The following KMT2B variants were observed in gnomAD, a reference collection of about 807,000 sequenced individuals.
KMT2B encodes histone-lysine N-methyltransferase 2B.
Under a neutral mutation model 255.3 loss-of-function variants are expected in KMT2B, and 22 were observed. The ratio of observed to expected loss-of-function variants is 0.09; its 90% CI spans 0.06 to 0.12. KMT2B has a LOEUF of 0.12. Among genes scored for constraint, KMT2B ranks in the 10% least tolerant of loss-of-function variants. KMT2B has a pLI of 1.00. For synonymous variants in KMT2B, 1,730 were observed against 1,498.1 expected (o/e 1.15, Z -3.57); for missense variants, 3,149 against 3,737.0 (o/e 0.84, Z 4.10).
Position 35,723,319 on chromosome 19 carries a change from C to G in KMT2B, c.3002+45C>G, listed in dbSNP as rs780140444. ...CCTCATTCCCGTGGTTGTTGGTCCC[C>G]TAGGCTTCCTACCTCACTCCTCTTC... On this transcript the variant is annotated intron_variant, in intron 6 of 36. Transcript: ENST00000420124. The surrounding 1 kb of genome is among the most constrained non-coding windows in gnomAD (Gnocchi z 7.5). The G allele has an allele frequency of 3.8e-6, 6 of 1,589,420 alleles. No homozygotes were observed. The highest frequency in any genetic ancestry group is 2.6e-6 in the Non-Finnish European group (3 of 1,164,626).
rs765902603 is a variant in KMT2B at position 35,725,552 on chromosome 19, A to G, written c.3716A>G (p.Gln1239Arg). ...GAGGAGGCCGAGCGGCCCCTGCCCC[A>G]GCATCACGACACCTGGTGCTGCCGT... Reference protein sequence around the residue: ...CLEEAERPLPQHHDTWCCRRC... With the variant: ...CLEEAERPLPRHHDTWCCRRC... The change falls in exon 12 of 37, where the codon CAG becomes CGG. Residue 1239 changes from glutamine to arginine, a missense_variant. Coordinates refer to ENST00000420124, the MANE Select transcript of KMT2B (RefSeq NM_014727.3). The surrounding 1 kb of genome is among the most constrained non-coding windows in gnomAD (Gnocchi z 4.1). 6 of 1,610,792 alleles carry G rather than the reference A, an allele frequency of 3.7e-6. No individual in the cohort carries two copies. The highest frequency in any genetic ancestry group is 5.1e-6 in the Non-Finnish European group (6 of 1,179,880).
At position 35,723,655 on chromosome 19, in the gene KMT2B, GCTT is replaced by G. The variant is rs1969307870; in HGVS notation, c.3059-73_3059-71del. The G allele has an allele frequency of 2.9e-5, 39 of 1,367,414 alleles. No individual in the cohort carries two copies. The South Asian group carries it at 3.9e-4, about 14-fold the overall frequency. The allele number at this position is 1,367,414 out of a possible 1,614,324, so 84.7% of individuals were successfully genotyped here. A position where few individuals can be genotyped will look rare whatever the true frequency, so the allele number is the denominator to read the frequency against. ...AGCTCCTGCGTTCATTCCCTGCCCC[GCTT>G]CTTTCTGGCTTCTCTCCCAGTGTCC... On this transcript the variant is annotated intron_variant, in intron 7 of 36. Coordinates refer to ENST00000420124, the MANE Select transcript of KMT2B (RefSeq NM_014727.3). The surrounding 1 kb of genome is among the most constrained non-coding windows in gnomAD (Gnocchi z 7.5).
In KMT2B at chr19:35,724,629, C is replaced by T. The variant is rs1969359389; in HGVS notation, c.3335-8C>T. 6.3e-7 allele frequency: 1 copy of T among 1,585,346 alleles called. No homozygotes were observed. Among genetic ancestry groups the T allele is most frequent in the Admixed American group, 1.8e-5 (1 of 56,058 alleles). Reference sequence around the variant, plus strand: ...GAGTGACCTCACTGCTCATTGTGTCCTGCCTAGAGCTGCCACTGCCAGAAC... The same window carrying T: ...GAGTGACCTCACTGCTCATTGTGTCTTGCCTAGAGCTGCCACTGCCAGAAC... On this transcript the variant is annotated splice_polypyrimidine_tract_variant and splice_region_variant and intron_variant, in intron 8 of 36. Coordinates refer to ENST00000420124, the MANE Select transcript of KMT2B (RefSeq NM_014727.3).
At position 35,730,386 on chromosome 19, in the gene KMT2B, T is replaced by C. The variant is rs746691296; in HGVS notation, c.5121T>C (p.Tyr1707=). Residue 1707 remains tyrosine (Y), a synonymous_variant, in exon 24 of 37, where the codon TAT becomes TAC. Coordinates refer to ENST00000420124, the MANE Select transcript of KMT2B (RefSeq NM_014727.3). The stretch of plus-strand genomic sequence containing the variant: ...GTTTTGATGTTCTCCGCCGAGTCTA[T>C]GTGGACTTCGAGGGCATCAACTTCA... ...PDGFDVLRRV[Y]VDFEGINFKR... is the part of the protein sequence containing the mutation. The C allele has an allele frequency of 2.5e-6, 4 of 1,613,760 alleles. No individual in the cohort carries two copies. The highest frequency in any genetic ancestry group is 1.3e-5 in the African/African-American group (1 of 75,046).
Position 35,718,515 on chromosome 19 carries a change from G to C in KMT2B, c.363+134G>C, listed in dbSNP as rs1969049004. 9.3e-7 allele frequency: 1 copy of C among 1,072,668 alleles called. No individual in the cohort carries two copies. Among genetic ancestry groups the C allele is most frequent in the Non-Finnish European group, 1.2e-6 (1 of 851,312 alleles). 66.4% of individuals were successfully genotyped at this position (1,072,668 alleles called of 1,614,324 possible). ...TTCGGAGAGACGGGGCACGGAGGGA[G>C]GGCGGCTGCATGCAGCTTCCGGGGG... On this transcript the variant is annotated intron_variant, in intron 1 of 36. Transcript: ENST00000420124. This position sits in a 1 kb window ranked among gnomAD's most constrained non-coding sequence, Gnocchi z 5.0.
In KMT2B at chr19:35,720,579, C is replaced by G. The variant is rs1780610322; in HGVS notation, c.1232C>G (p.Pro411Arg). The G allele has an allele frequency of 3.9e-6, 6 of 1,533,910 alleles. No homozygotes were observed. In the East Asian group the frequency reaches 1.5e-4, roughly 38 times the overall value. The part of the protein sequence containing the change: ...LPPPPLTPPA[P>R]SPPPPLPPPS... ...CCACCGCCTCTGACTCCTCCAGCCC[C>G]TTCACCTCCTCCACCCCTCCCACCC... The change falls in exon 3 of 37, where the codon CCT (proline) becomes CGT (arginine). Residue 411 changes from proline to arginine, a missense_variant. By Grantham distance (103) the Pro-to-Arg change is moderately radical (BLOSUM62 -2). Transcript: ENST00000420124.
At chr19:35,734,283 G>A (rs2146473771) in intron 30 of KMT2B, among the ~76,000 whole-genome samples, 1 of 152,238 alleles carries the variant, frequency 6.6e-6, no homozygotes, top group South Asian at 2.1e-4. Flanking sequence ...CAGAGGCCCA[G>A]GGAAGGGAGT....
In KMT2B at chr19:35,720,179, ACCC is replaced by A; in HGVS notation, c.835_837del (p.Pro279del). On this transcript the variant is annotated inframe_deletion, in exon 3 of 37. Coordinates refer to ENST00000420124, the MANE Select transcript of KMT2B (RefSeq NM_014727.3). ...GGAGGGGCCCGGTCCAGGACCTGGG[ACCC>A]CCAGGCGTGGAGGACAGTCAAGCCG... 1 of 1,605,162 alleles carries A rather than the reference ACCC, an allele frequency of 6.2e-7. No individual in the cohort carries two copies. The highest frequency in any genetic ancestry group is 8.5e-7 in the Non-Finnish European group (1 of 1,176,358).
chr19:35,738,602 C>A lies in KMT2B; in HGVS notation c.*45C>A. 1 of 1,584,778 alleles carries A rather than the reference C, an allele frequency of 6.3e-7. No homozygotes were observed. The highest frequency in any genetic ancestry group is 1.1e-5 in the South Asian group (1 of 87,020). ...GACCCCTCACACCTCCTGCTGCCGTCGCTGCCATCTTGCCCCTAGCCTGGG... is the reference window on the plus strand; with the variant it reads ...GACCCCTCACACCTCCTGCTGCCGTAGCTGCCATCTTGCCCCTAGCCTGGG... On this transcript the variant is annotated 3_prime_UTR_variant, in exon 37 of 37. Transcript: ENST00000420124. This position sits in a 1 kb window ranked among gnomAD's most constrained non-coding sequence, Gnocchi z 8.7.
Position 35,719,883 on chromosome 19 carries a change from G to A in KMT2B, c.536G>A (p.Arg179Gln), listed in dbSNP as rs771353672. The A allele has an allele frequency of 4.5e-5, 73 of 1,613,190 alleles. No individual in the cohort carries two copies. Among genetic ancestry groups the A allele is most frequent in the Admixed American group, 4.5e-4 (27 of 59,980 alleles). Residue 179 changes from arginine (R) to glutamine (Q), a missense_variant, in exon 3 of 37, where the codon CGG becomes CAG. By Grantham distance (43) the Arg-to-Gln change is conservative. Coordinates refer to ENST00000420124, the MANE Select transcript of KMT2B (RefSeq NM_014727.3). ...VAPTPPKTPARKRGEEGTERM... is the reference protein window; with the variant it reads ...VAPTPPKTPAQKRGEEGTERM... ...CCTACCCCCCCAAAGACCCCTGCCC[G>A]GAAACGGGGTGAGGAAGGCACAGAA...
intron 3 of KMT2B, 110 bp from the exon 4 acceptor site, chr19:35,722,249 C>A (rs534799315): frequency 7.2e-6 from 8 of 1,115,298 alleles, no homozygotes; most frequent in South Asian, 3.2e-5. Context: ...GTGATCTGCC[C>A]GTCTCGGCCT....
chr19:35,723,488 G>T lies in KMT2B; in HGVS notation c.3044G>T (p.Arg1015Leu). 6.4e-7 allele frequency: 1 copy of T among 1,571,170 alleles called. No homozygotes were observed. The highest frequency in any genetic ancestry group is 8.6e-7 in the Non-Finnish European group (1 of 1,159,100). Reference protein sequence around the residue: ...CDKIEARKMERLAKKGRTIVK... With the variant: ...CDKIEARKMELLAKKGRTIVK... Reference sequence around the variant, plus strand: ...AAAATAGAGGCTCGGAAGATGGAACGACTGGCTAAAAAAGGTGACGAGCTT... The same window carrying T: ...AAAATAGAGGCTCGGAAGATGGAACTACTGGCTAAAAAAGGTGACGAGCTT... Residue 1015 changes from arginine (R) to leucine (L), a missense_variant, in exon 7 of 37, where the codon CGA becomes CTA. Transcript: ENST00000420124. The surrounding 1 kb of genome is among the most constrained non-coding windows in gnomAD (Gnocchi z 7.5).
intron 19 of KMT2B, 62 bp from the exon 20 acceptor site, chr19:35,728,712 G>T: frequency 7.6e-7 from 1 of 1,309,570 alleles, no homozygotes; most frequent in Non-Finnish European, 1.1e-6. Flanking sequence ...CTGGTTTGTG[G>T]ATGGGCCCCC....
intron 20 of KMT2B, 23 bp from the exon 21 acceptor site, chr19:35,728,962 C>G (rs766902450): frequency 6.2e-7 from 1 of 1,613,468 alleles, no homozygotes; most frequent in South Asian, 1.1e-5. Flanking sequence ...ATTCTTAGAC[C>G]TCCCTTCACA....
Position 35,721,280 on chromosome 19 carries a change from C to A in KMT2B, c.1933C>A (p.Leu645Ile), listed in dbSNP as rs553757574. 1.3e-6 allele frequency: 2 copies of A among 1,543,316 alleles called. No individual in the cohort carries two copies. The highest frequency in any genetic ancestry group is 4.9e-5 in the East Asian group (2 of 40,702). The stretch of plus-strand genomic sequence containing the variant: ...TCCTGCCACCTCCTCCCGGAGGCCC[C>A]TACTCCTTCGGGCCCCTCAGTTTAC... ...PAPATSSRRP[L>I]LLRAPQFTPS... The change falls in exon 3 of 37, where the codon CTA (leucine) becomes ATA (isoleucine). Residue 645 changes from leucine (L) to isoleucine (I), a missense_variant. By Grantham distance (5) the Leu-to-Ile change is conservative. Coordinates refer to ENST00000420124, the MANE Select transcript of KMT2B (RefSeq NM_014727.3).
In KMT2B at chr19:35,730,709, G is replaced by C; in HGVS notation, c.5279G>C (p.Cys1760Ser). 1 of 1,613,942 alleles carries C rather than the reference G, an allele frequency of 6.2e-7. No homozygotes were observed. Among genetic ancestry groups the C allele is most frequent in the Non-Finnish European group, 8.5e-7 (1 of 1,179,888 alleles). Residue 1760 changes from cysteine (C) to serine (S), a missense_variant and splice_region_variant, in exon 26 of 37, where the codon TGC becomes TCC. By Grantham distance (112) the Cys-to-Ser change is moderately radical. Coordinates refer to ENST00000420124, the MANE Select transcript of KMT2B (RefSeq NM_014727.3). The stretch of plus-strand genomic sequence containing the variant: ...AACCGTCTTATCCCACATGCCAGGT[G>C]CTCCCGTCTGTACTGGAGCACAGTG... ...EGRLFPIGYQ[C>S]SRLYWSTVDA...
Position 35,738,753 on chromosome 19 carries a change from C to T in KMT2B, c.*196C>T. 4.9e-6 allele frequency: 3 copies of T among 617,490 alleles called. No homozygotes were observed. Among genetic ancestry groups the T allele is most frequent in the Non-Finnish European group, 2.8e-6 (1 of 355,146 alleles). 38.3% of individuals were successfully genotyped at this position (617,490 alleles called of 1,614,324 possible). A position where few individuals can be genotyped will look rare whatever the true frequency, so the allele number is the denominator to read the frequency against. On this transcript the variant is annotated 3_prime_UTR_variant, in exon 37 of 37. Transcript: ENST00000420124. This position sits in a 1 kb window ranked among gnomAD's most constrained non-coding sequence, Gnocchi z 8.7. Reference sequence around the variant, plus strand: ...ATCCAGCAATCGCCCCCTTTCTGCCCTGGGGGCCCAGGATGTAGATATTGT... The same window carrying T: ...ATCCAGCAATCGCCCCCTTTCTGCCTTGGGGGCCCAGGATGTAGATATTGT...
In KMT2B at chr19:35,719,550, C is replaced by G; in HGVS notation, c.436+9C>G. 1 of 1,582,628 alleles carries G rather than the reference C, an allele frequency of 6.3e-7. No individual in the cohort carries two copies. The highest frequency in any genetic ancestry group is 8.6e-7 in the Non-Finnish European group (1 of 1,163,794). On this transcript the variant is annotated intron_variant, in intron 2 of 36. Coordinates refer to ENST00000420124, the MANE Select transcript of KMT2B (RefSeq NM_014727.3). ...GCTCCGATCCCAGCGAGGTGAGTGA[C>G]GGGGGAACTCCACCTCTTTAGCGTC...
chr19:35,728,534 G>T (rs1232769526), intron 19 of KMT2B, among the ~76,000 whole-genome samples: 1 of 152,160 alleles, frequency 6.6e-6, no homozygotes, highest in Non-Finnish European at 1.5e-5. Flanking sequence ...GTCAGGGAAG[G>T]CTTCCTGAAA....
Sources: allele counts gnomAD v4.1 joint callset (sites outside exome capture counted in the v4.1 genomes callset), GRCh38; gene constraint gnomAD v4.1.1; non-coding constraint Gnocchi (gnomAD v3.1); transcripts MANE v1.5; gene names NCBI Gene and HGNC (gene_info 2026-07-23, HGNC 2026-07-21).